Variants in CAMSAP1 observed in about 807,000 individuals in gnomAD.
CAMSAP1 encodes the protein calmodulin regulated spectrin associated protein 1, also known as calmodulin-regulated spectrin-associated protein 1.
CAMSAP1 carries 58 observed loss-of-function variants against 143.5 expected under a neutral mutation model. That is an observed-to-expected ratio of 0.40 (90% confidence interval 0.33 to 0.50). The LOEUF (loss-of-function observed/expected upper bound fraction) is 0.50, where lower values mean the gene tolerates loss of function less well. CAMSAP1 is among the 20% of genes least tolerant of loss of function. The pLI is 0.45. For missense variants in CAMSAP1, 1,969 were observed against 2,115.7 expected, an observed-to-expected ratio of 0.93 and a Z score of 1.36; for synonymous variants, 945 against 859.3, an observed-to-expected ratio of 1.10 and a Z score of -1.74.
chr9:135,851,195 G>A (rs936850175), intron 5 of CAMSAP1, among the ~76,000 whole-genome samples: 3 of 152,318 alleles, frequency 2.0e-5, no homozygotes, highest in African/African-American at 2.4e-5. Flanking sequence ...TCAGGACTCC[G>A]TGAGAAGTGA....
Position 135,811,043 on chromosome 9 carries a change from G to C in CAMSAP1, c.*266C>G. ...GCTGGGAGCCTCAGTGGTCAGCAGT[G>C]GCCACAGCAGTGCGAGCCACTGCAA... On this transcript the variant is annotated 3_prime_UTR_variant, in exon 17 of 17. Transcript: ENST00000389532. This position sits in a 1 kb window ranked among gnomAD's most constrained non-coding sequence, Gnocchi z 4.9. The C allele has an allele frequency of 2.0e-6, 1 of 503,744 alleles. No individual in the cohort carries two copies. The highest frequency in any genetic ancestry group is 3.6e-5 in the East Asian group (1 of 27,796). 31.2% of individuals were successfully genotyped at this position (503,744 alleles called of 1,614,324 possible).
chr9:135,904,604 T>C (rs1838714560), intron 1 of CAMSAP1, among the ~76,000 whole-genome samples: 1 of 152,034 alleles, frequency 6.6e-6, no homozygotes, highest in African/African-American at 2.4e-5. Flanking sequence ...TAAAAACTTT[T>C]TTTTTTGTAA....
intron 5 of CAMSAP1, among the ~76,000 whole-genome samples, chr9:135,856,124 G>A (rs918417599): frequency 6.6e-6 from 1 of 152,082 alleles, no homozygotes; most frequent in Non-Finnish European, 1.5e-5. Flanking sequence ...AGAGAACTAG[G>A]TCTCTGCCTA....
At chr9:135,889,280 A>G (rs1159243613) in intron 1 of CAMSAP1, among the ~76,000 whole-genome samples, 4 of 152,098 alleles carry the variant, frequency 2.6e-5, no homozygotes, top group East Asian at 1.9e-4. Flanking sequence ...ACCAAAACCA[A>G]CACCTCAGGC....
At chr9:135,881,870 T>C (rs1837966480) in intron 2 of CAMSAP1, 76 bp from the exon 3 acceptor site, 4 of 1,498,370 alleles carry the variant, frequency 2.7e-6, no homozygotes, top group South Asian at 1.2e-5. Context: ...AACCTGCTCA[T>C]ACTCAGCATT....
chr9:135,857,902 G>A (rs1837034281), intron 5 of CAMSAP1, among the ~76,000 whole-genome samples: 1 of 152,172 alleles, frequency 6.6e-6, no homozygotes, highest in Non-Finnish European at 1.5e-5. Flanking sequence ...CCTGCACCTG[G>A]GGTCTGAGGC....
At chr9:135,855,656 G>A (rs1836930784) in intron 5 of CAMSAP1, among the ~76,000 whole-genome samples, 1 of 150,488 alleles carries the variant, frequency 6.6e-6, no homozygotes, top group Non-Finnish European at 1.5e-5. Flanking sequence ...CACAAGAATT[G>A]CTTGAATCCA....
chr9:135,879,647 C>T (rs1837870144), intron 3 of CAMSAP1, among the ~76,000 whole-genome samples: 1 of 151,850 alleles, frequency 6.6e-6, no homozygotes, highest in Admixed American at 6.6e-5. Flanking sequence ...ATGTTACAAT[C>T]TTTAGGTTCA....
chr9:135,902,853 G>A (rs963586181), intron 1 of CAMSAP1, among the ~76,000 whole-genome samples: 2 of 152,248 alleles, frequency 1.3e-5, no homozygotes, highest in African/African-American at 4.8e-5. Context: ...CGTGCTGTCA[G>A]TAAGGAGAGG....
chr9:135,815,112 C>T lies in CAMSAP1; in HGVS notation c.4491G>A (p.Lys1497=), dbSNP rs773842535. 1 of 1,612,018 alleles carries T rather than the reference C, an allele frequency of 6.2e-7. No homozygotes were observed. The highest frequency in any genetic ancestry group is 2.2e-5 in the East Asian group (1 of 44,874). The part of the protein sequence containing the change: ...CLAGKVNEPH[K]NSILEELEKC... ...TGATACTTGCCTCCAATATGGAATT[C>T]TTGTGGGGTTCGTTCACTTTTCCAG... Residue 1497 remains lysine, a synonymous_variant, in exon 16 of 17, where the codon AAG becomes AAA. Transcript: ENST00000389532.
intron 3 of CAMSAP1, among the ~76,000 whole-genome samples, chr9:135,875,774 T>C (rs1292481068): frequency 6.6e-6 from 1 of 152,098 alleles, no homozygotes; most frequent in Non-Finnish European, 1.5e-5. Context: ...ATATCATTCA[T>C]AAAAATGAAC....
intron 3 of CAMSAP1, among the ~76,000 whole-genome samples, chr9:135,880,406 C>T (rs35122391): frequency 6.6e-6 from 1 of 152,062 alleles, no homozygotes; most frequent in African/African-American, 2.4e-5. Flanking sequence ...AACTAGGGCC[C>T]GGAGGCTCCA....
intron 3 of CAMSAP1, among the ~76,000 whole-genome samples, chr9:135,868,958 A>G (rs974933040): frequency 2.0e-5 from 3 of 152,048 alleles, no homozygotes; most frequent in Non-Finnish European, 2.9e-5. Context: ...ATACTGTGTC[A>G]TGAAATGTGA....
At chr9:135,879,626 T>C (rs1469972950) in intron 3 of CAMSAP1, among the ~76,000 whole-genome samples, 2 of 151,170 alleles carry the variant, frequency 1.3e-5, no homozygotes, top group African/African-American at 4.9e-5. Context: ...CACAAACTAA[T>C]AGAAAGGAAA....
chr9:135,851,422 C>CTG (rs1263829387), intron 5 of CAMSAP1, among the ~76,000 whole-genome samples: 2 of 152,334 alleles, frequency 1.3e-5, no homozygotes, highest in East Asian at 3.9e-4. Flanking sequence ...AGCTGAGGAA[C>CTG]TGTGCACACT....
intron 3 of CAMSAP1, among the ~76,000 whole-genome samples, chr9:135,868,574 C>G (rs1837462129): frequency 6.7e-6 from 1 of 149,596 alleles, no homozygotes; most frequent in South Asian, 2.1e-4. Context: ...TAGATAACTT[C>G]CTAACATGTA....
At position 135,818,339 on chromosome 9, in the gene CAMSAP1, G is replaced by A; in HGVS notation, c.4168+69C>T. ...CCACTCTTGATGACAAAATTGAAAT[G>A]AGCTGAAGAACGTGAGGCCGCCGCC... On this transcript the variant is annotated intron_variant, in intron 13 of 16. Coordinates refer to ENST00000389532, the MANE Select transcript of CAMSAP1 (RefSeq NM_015447.4). This position sits in a 1 kb window ranked among gnomAD's most constrained non-coding sequence, Gnocchi z 7.7. The A allele has an allele frequency of 6.9e-7, 1 of 1,459,742 alleles. No individual in the cohort carries two copies. The highest frequency in any genetic ancestry group is 9.2e-7 in the Non-Finnish European group (1 of 1,091,436). The allele number at this position is 1,459,742 out of a possible 1,614,324, so 90.4% of individuals were successfully genotyped here. A position where few individuals can be genotyped will look rare whatever the true frequency, so the allele number is the denominator to read the frequency against.
chr9:135,847,077 G>A (rs1038787741), intron 7 of CAMSAP1, among the ~76,000 whole-genome samples: 6 of 152,132 alleles, frequency 3.9e-5, no homozygotes, highest in African/African-American at 1.4e-4. Flanking sequence ...GCCGGGCACG[G>A]TGGCTCACAA....
chr9:135,854,429 A>AT (rs777079697), intron 5 of CAMSAP1, among the ~76,000 whole-genome samples: 6 of 151,506 alleles, frequency 4.0e-5, no homozygotes, highest in Non-Finnish European at 5.9e-5. Flanking sequence ...GAACTTTGGA[A>AT]TTTTTTCTAC....
Sources: allele counts gnomAD v4.1 joint callset (sites outside exome capture counted in the v4.1 genomes callset), GRCh38; gene constraint gnomAD v4.1.1; non-coding constraint Gnocchi (gnomAD v3.1); transcripts MANE v1.5; gene names NCBI Gene and HGNC (gene_info 2026-07-23, HGNC 2026-07-21).